Variants in SORCS2 observed in about 807,000 individuals in gnomAD.
SORCS2 encodes VPS10 domain-containing receptor SorCS2.
A neutral mutation model predicts 141.6 loss-of-function variants in SORCS2; 100 were observed. That is an observed-to-expected ratio of 0.71 (90% CI 0.60 to 0.83). SORCS2 has a LOEUF of 0.83. Ranked by LOEUF, SORCS2 falls within the 40% of genes least tolerant of loss-of-function variation. The probability of loss-of-function intolerance (pLI) is 0.00; values close to 1 mark genes in which losing one functional copy is unlikely to be tolerated. For missense variants in SORCS2, 1,646 were observed against 1,560.2 expected, an observed-to-expected ratio of 1.05 and a Z score of -0.93; for synonymous variants, 789 against 676.9, an observed-to-expected ratio of 1.17 and a Z score of -2.57.
intron 1 of SORCS2, among the ~76,000 whole-genome samples, chr4:7,378,140 G>T (rs1419163753): frequency 6.6e-6 from 1 of 152,186 alleles, no homozygotes; most frequent in Non-Finnish European, 1.5e-5. Flanking sequence ...ATACAGATGG[G>T]GTGGGTAGGC....
At chr4:7,288,378 AT>A (rs999243526) in intron 1 of SORCS2, among the ~76,000 whole-genome samples, 9 of 151,716 alleles carry the variant, frequency 5.9e-5, no homozygotes, top group Non-Finnish European at 1.0e-4. Flanking sequence ...GGGGCTCTGT[AT>A]TTGTCAACTG....
chr4:7,301,407 G>A (rs1424870164), intron 1 of SORCS2, among the ~76,000 whole-genome samples: 1 of 152,236 alleles, frequency 6.6e-6, no homozygotes, highest in Non-Finnish European at 1.5e-5. Context: ...CAGGGCACCT[G>A]TGTGCTCAAA....
chr4:7,708,867 G>A (rs191876856), intron 14 of SORCS2, among the ~76,000 whole-genome samples: 1 of 152,340 alleles, frequency 6.6e-6, no homozygotes, highest in Non-Finnish European at 1.5e-5. Flanking sequence ...TAAAAATTGG[G>A]TGGGGATAAT....
intron 8 of SORCS2, among the ~76,000 whole-genome samples, chr4:7,673,840 C>G (rs192758783): frequency 6.6e-6 from 1 of 152,290 alleles, no homozygotes; most frequent in Admixed American, 6.5e-5. Context: ...CACCCATAAT[C>G]TCAGTCCCCC....
intron 2 of SORCS2, among the ~76,000 whole-genome samples, chr4:7,521,283 C>T (rs988276302): frequency 3.9e-5 from 6 of 152,258 alleles, no homozygotes; most frequent in Middle Eastern, 3.4e-3. Context: ...CTGCTGCCTT[C>T]GCTGCTGCGT....
rs766842106 is a variant in SORCS2, at chr4:7,676,182, C to T, written c.1294C>T (p.Arg432Cys). The T allele has an allele frequency of 2.0e-4, 306 of 1,554,940 alleles. 1 individual carries two copies. The highest frequency in any genetic ancestry group is 1.1e-3 in the Admixed American group (59 of 51,354). ...CTACGCGCTGGTGCTGCAGGACGTGCGCAGCTCACGGCAGGCGGAGGAGAG... is the reference window on the plus strand; with the variant it reads ...CTACGCGCTGGTGCTGCAGGACGTGTGCAGCTCACGGCAGGCGGAGGAGAG... Reference protein sequence around the residue: ...VRYALVLQDVRSSRQAEESVL... With the variant: ...VRYALVLQDVCSSRQAEESVL... Residue 432 changes from arginine (R) to cysteine (C), a missense_variant, in exon 9 of 27, where the codon CGC (arginine) becomes TGC (cysteine). Coordinates refer to ENST00000507866, the MANE Select transcript of SORCS2 (RefSeq NM_020777.3).
intron 1 of SORCS2, among the ~76,000 whole-genome samples, chr4:7,386,194 CAT>C (rs552207243): frequency 2.5e-3 from 332 of 133,514 alleles, no homozygotes; most frequent in African/African-American, 9.0e-3. Context: ...CATGCACACA[CAT>C]ACACATTTGC....
At chr4:7,370,721 C>T (rs541458683) in intron 1 of SORCS2, among the ~76,000 whole-genome samples, 2 of 152,326 alleles carry the variant, frequency 1.3e-5, no homozygotes, top group African/African-American at 4.8e-5. Flanking sequence ...TGACAATGCC[C>T]TCCTGTGCCT....
intron 1 of SORCS2, among the ~76,000 whole-genome samples, chr4:7,309,817 C>T (rs540626501): frequency 2.6e-5 from 4 of 152,218 alleles, no homozygotes; most frequent in African/African-American, 7.2e-5. Context: ...CGTAACCCAC[C>T]GGGAGAGGAG....
intron 3 of SORCS2, among the ~76,000 whole-genome samples, chr4:7,549,792 C>G (rs927621740): frequency 1.3e-5 from 2 of 152,208 alleles, no homozygotes; most frequent in African/African-American, 4.8e-5. Flanking sequence ...TGGGGACCAG[C>G]ACCGTATCTT....
intron 3 of SORCS2, among the ~76,000 whole-genome samples, chr4:7,607,394 G>A (rs1718128406): frequency 6.6e-6 from 1 of 152,064 alleles, no homozygotes; most frequent in African/African-American, 2.4e-5. Flanking sequence ...TTGTTCTGCA[G>A]CCTGCCCCGC....
chr4:7,509,532 A>C (rs114521498), intron 2 of SORCS2, among the ~76,000 whole-genome samples: 6,332 of 152,094 alleles, frequency 0.042, 451 homozygotes, highest in African/African-American at 0.14. Flanking sequence ...CGCACTCGCC[A>C]CTCACGGGAG....
At chr4:7,624,975 T>C (rs1448899833) in intron 3 of SORCS2, among the ~76,000 whole-genome samples, 1 of 152,234 alleles carries the variant, frequency 6.6e-6, no homozygotes, top group Non-Finnish European at 1.5e-5. Context: ...AAATCAAGGC[T>C]ACAAAATATC....
chr4:7,666,779 A>G (rs745900286), intron 7 of SORCS2, among the ~76,000 whole-genome samples: 1 of 152,124 alleles, frequency 6.6e-6, no homozygotes, highest in Non-Finnish European at 1.5e-5. Flanking sequence ...CTCGAGGTTC[A>G]GTGATCACCT....
chr4:7,659,544 C>G (rs1282511990), intron 5 of SORCS2, among the ~76,000 whole-genome samples: 1 of 152,228 alleles, frequency 6.6e-6, no homozygotes, highest in South Asian at 2.1e-4. Flanking sequence ...GGCTTTCAGA[C>G]TTGCCAACCC....
At chr4:7,588,618 A>G (rs1716699740) in intron 3 of SORCS2, among the ~76,000 whole-genome samples, 1 of 152,224 alleles carries the variant, frequency 6.6e-6, no homozygotes. Context: ...CCTTACCAGC[A>G]GATGTGGCAA....
intron 3 of SORCS2, among the ~76,000 whole-genome samples, chr4:7,611,593 C>A (rs937998019): frequency 1.1e-4 from 16 of 152,184 alleles, no homozygotes; most frequent in Non-Finnish European, 4.4e-5. Context: ...GAAGTGGGGA[C>A]CCTCATGGCT....
intron 2 of SORCS2, among the ~76,000 whole-genome samples, chr4:7,410,496 ACC>A (rs1725233958): frequency 6.6e-6 from 1 of 152,148 alleles, no homozygotes; most frequent in African/African-American, 2.4e-5. Context: ...AAACATTCAG[ACC>A]TCATTGTAGA....
intron 1 of SORCS2, among the ~76,000 whole-genome samples, chr4:7,312,967 A>G (rs1245766669): frequency 1.3e-5 from 2 of 152,248 alleles, no homozygotes; most frequent in Non-Finnish European, 2.9e-5. Context: ...AGCTGGCTCC[A>G]GGGGACCTGC....
Sources: gnomAD v4.1 joint callset for allele counts (sites outside exome capture counted in the v4.1 genomes callset) on GRCh38, gnomAD v4.1.1 for gene constraint, MANE v1.5 for transcripts, NCBI Gene and HGNC (gene_info 2026-07-23, HGNC 2026-07-21) for gene names.